The following TSC2 variants were observed in gnomAD, a reference collection of about 807,000 sequenced individuals.
TSC2 encodes the protein tuberin.
In TSC2, 29 loss-of-function variants were observed where a neutral mutation model predicts 202.2. The observed-to-expected ratio is 0.14, with a 90% CI of 0.11 to 0.20. The LOEUF (loss-of-function observed/expected upper bound fraction) is 0.20, where lower values mean the gene tolerates loss of function less well. TSC2 is among the 10% of genes least tolerant of loss of function. The probability of loss-of-function intolerance (pLI) is 1.00; values close to 1 mark genes in which losing one functional copy is unlikely to be tolerated. For missense variants in TSC2, 2,429 were observed against 2,420.0 expected, an observed-to-expected ratio of 1.00 and a Z score of -0.08; for synonymous variants, 1,349 against 1,044.0, an observed-to-expected ratio of 1.29 and a Z score of -5.63.
At chr16:2,056,267 GC>G (rs2085799760) in intron 7 of TSC2, 23 bp downstream of exon 7, 2 of 1,613,702 alleles carry the variant, frequency 1.2e-6, no homozygotes, top group Non-Finnish European at 1.7e-6. Context: ...CCTCCCCAGG[GC>G]CGGCCCATTT....
At chr16:2,088,402 G>A (rs1291439424) in intron 41 of TSC2, 44 bp from the exon 42 acceptor site, 10 of 1,612,530 alleles carry the variant, frequency 6.2e-6, no homozygotes, top group African/African-American at 1.3e-5. Flanking sequence ...CAGAGCGGTT[G>A]CCACGCCTCC....
At chr16:2,065,462 A>T in intron 15 of TSC2, 57 bp from the exon 16 acceptor site, 1 of 1,336,370 alleles carries the variant, frequency 7.5e-7, no homozygotes, top group Non-Finnish European at 1.1e-6. Context: ...AAGTGTTCTC[A>T]CGGCTGCTGA....
chr16:2,087,301 T>G (rs1397572114), intron 38 of TSC2: 2 of 341,678 alleles, frequency 5.9e-6, no homozygotes, highest in South Asian at 2.4e-5. Context: ...ACGGTCCGGG[T>G]GAGCCCCAGC....
intron 3 of TSC2, 105 bp downstream of exon 3, chr16:2,050,591 G>T: frequency 7.7e-6 from 6 of 777,806 alleles, no homozygotes; most frequent in African/African-American, 1.8e-5. Flanking sequence ...CGATGATCTG[G>T]TTTGCACTTT....
chr16:2,062,366 T>A, intron 12 of TSC2, 131 bp from the exon 13 acceptor site: 1 of 871,128 alleles, frequency 1.1e-6, no homozygotes, highest in Non-Finnish European at 1.8e-6. Context: ...TGCCTTTGTG[T>A]CTGGGCTGTG....
chr16:2,050,366 A>C (rs1360578699), intron 2 of TSC2, 34 bp from the exon 3 acceptor site: 2 of 1,602,704 alleles, frequency 1.2e-6, no homozygotes, highest in Non-Finnish European at 1.7e-6. Flanking sequence ...TGGCCTGAGC[A>C]CTGGCCCCTT....
chr16:2,054,501 G>A (rs1231494664), intron 5 of TSC2, 61 bp downstream of exon 5: 1 of 1,610,112 alleles, frequency 6.2e-7, no homozygotes, highest in Non-Finnish European at 8.5e-7. Flanking sequence ...AACCTGGATG[G>A]GAAGGACCTG....
At chr16:2,048,179 C>G in intron 1 of TSC2, 114 bp downstream of exon 1, 5 of 1,534,986 alleles carry the variant, frequency 3.3e-6, no homozygotes, top group Middle Eastern at 1.7e-4. Context: ...TGCAACCCGA[C>G]TCCGGAGCTC....
At position 2,054,298 on chromosome 16, in the gene TSC2, C is replaced by A. The variant is rs368451664; in HGVS notation, c.339C>A (p.Gly113=). 6.2e-7 allele frequency: 1 copy of A among 1,613,980 alleles called. No individual in the cohort carries two copies. The highest frequency in any genetic ancestry group is 1.3e-5 in the African/African-American group (1 of 74,908). ...GATCCTGTGGCTTTTGTCTTTAGGG[C>A]GAGCGTTTGGGGGTCCTCAGAGCCC... ...ALLKAIVQGQ[G]ERLGVLRALF... is the part of the protein sequence containing the mutation. Residue 113 remains glycine (G), a splice_region_variant and synonymous_variant, in exon 5 of 42, where the codon GGC becomes GGA. Transcript: ENST00000219476.
At chr16:2,081,870 G>C in intron 31 of TSC2, 72 bp downstream of exon 31, 1 of 1,563,032 alleles carries the variant, frequency 6.4e-7, no homozygotes. Flanking sequence ...CGGCAATGTG[G>C]CTCCTCTCTG....
At chr16:2,072,018 C>G (rs2151311585) in intron 19 of TSC2, 84 bp downstream of exon 19, 1 of 1,491,716 alleles carries the variant, frequency 6.7e-7, no homozygotes, top group Non-Finnish European at 8.9e-7. Context: ...GGCCTCCCTC[C>G]CTGTCTGGCC....
intron 15 of TSC2, chr16:2,064,701 G>A: frequency 1.8e-6 from 1 of 547,052 alleles, no homozygotes; most frequent in Non-Finnish European, 3.3e-6. Flanking sequence ...CCAGACCTGG[G>A]GCTGGGGCTT....
intron 15 of TSC2, 140 bp from the exon 16 acceptor site, chr16:2,065,379 C>G: frequency 1.3e-6 from 1 of 782,190 alleles, no homozygotes; most frequent in South Asian, 1.5e-5. Context: ...TGCCACCGCA[C>G]TCCAGCCTGG....
intron 25 of TSC2, 40 bp from the exon 26 acceptor site, chr16:2,077,558 G>C: frequency 6.2e-7 from 1 of 1,611,678 alleles, no homozygotes; most frequent in Non-Finnish European, 8.5e-7. Context: ...CCCGGGAGCT[G>C]GGCTCTCTGG....
At chr16:2,069,827 C>G (rs1027082998) in intron 16 of TSC2, among the ~76,000 whole-genome samples, 1 of 151,708 alleles carries the variant, frequency 6.6e-6, no homozygotes, top group African/African-American at 2.4e-5. Context: ...GTAGGTCAGG[C>G]TGGTCTTGAA....
At chr16:2,082,263 CCCT>C in intron 31 of TSC2, 170 bp from the exon 32 acceptor site, 1 of 714,620 alleles carries the variant, frequency 1.4e-6, no homozygotes, top group Non-Finnish European at 2.5e-6. Context: ...GGAGGCACTG[CCCT>C]CCTCAGGTCT....
rs200568460 is a variant in TSC2 at position 2,070,583 on chromosome 16, G to C, written c.1839+5G>C. Reference sequence around the variant, plus strand: ...GCGAGCAGCATCCGGCTGCAGGTATGGTGGCTGGGGTTGCGCAGCCAGTTC... The same window carrying C: ...GCGAGCAGCATCCGGCTGCAGGTATCGTGGCTGGGGTTGCGCAGCCAGTTC... On this transcript the variant is annotated splice_donor_5th_base_variant and intron_variant, in intron 17 of 41. Coordinates refer to ENST00000219476, the MANE Select transcript of TSC2 (RefSeq NM_000548.5). 1.2e-6 allele frequency: 2 copies of C among 1,613,008 alleles called. No homozygotes were observed. Among genetic ancestry groups the C allele is most frequent in the Non-Finnish European group, 1.7e-6 (2 of 1,180,012 alleles).
intron 22 of TSC2, chr16:2,075,060 A>G (rs971740577): frequency 1.9e-5 from 3 of 157,428 alleles, no homozygotes; most frequent in Non-Finnish European, 2.8e-5. Flanking sequence ...TACTAAGAAT[A>G]CAAAAATTAG....
chr16:2,059,745 C>T (rs1335224472), intron 10 of TSC2, among the ~76,000 whole-genome samples: 1 of 152,096 alleles, frequency 6.6e-6, no homozygotes, highest in East Asian at 1.9e-4. Flanking sequence ...TCTCAAACTC[C>T]CGACCTCAGG....
Sources: allele counts gnomAD v4.1 joint callset (sites outside exome capture counted in the v4.1 genomes callset), GRCh38; gene constraint gnomAD v4.1.1; transcripts MANE v1.5; gene names NCBI Gene and HGNC (gene_info 2026-07-23, HGNC 2026-07-21).